Variants in TMEM130 observed in about 807,000 individuals in gnomAD.
TMEM130 encodes the protein transmembrane protein 130.
Under a neutral mutation model 42.9 loss-of-function variants are expected in TMEM130, and 37 were observed. That is an observed-to-expected ratio of 0.86 (90% CI 0.66 to 1.13). TMEM130 has a LOEUF of 1.13. Ranked by LOEUF, TMEM130 falls within the 50% of genes most tolerant of loss-of-function variation. The pLI, the probability that TMEM130 is intolerant of heterozygous loss-of-function variation, is 0.00. For missense variants in TMEM130, 545 were observed against 562.6 expected (o/e 0.97, Z 0.32); for synonymous variants, 259 against 237.7 (o/e 1.09, Z -0.82).
At chr7:98,859,121 G>A (rs1554399417) in intron 3 of TMEM130, among the ~76,000 whole-genome samples, 1 of 150,678 alleles carries the variant, frequency 6.6e-6, no homozygotes, top group Non-Finnish European at 1.5e-5. Context: ...AAGGAAGGGA[G>A]GGAGGGAGGG....
intron 3 of TMEM130, among the ~76,000 whole-genome samples, chr7:98,856,865 T>C (rs932602816): frequency 6.6e-6 from 1 of 152,178 alleles, no homozygotes; most frequent in East Asian, 1.9e-4. Flanking sequence ...CTGCAAATTG[T>C]CTGCTTTCCA....
rs369734825 is a variant in TMEM130 at position 98,851,475 on chromosome 7, C to T, written c.952G>A (p.Glu318Lys). 1.9e-5 allele frequency: 30 copies of T among 1,613,948 alleles called. No individual in the cohort carries two copies. The highest frequency in any genetic ancestry group is 9.4e-5 in the African/African-American group (7 of 74,850). ...TGATGTGTCTTGCTGATGATATTCT[C>T]GGCCCGGATGCTGAAGCAGTAGTCC... ...PGDYCFSIRAENIISKTHQYH... is the reference protein window; with the variant it reads ...PGDYCFSIRAKNIISKTHQYH... Residue 318 changes from glutamate to lysine, a missense_variant, in exon 6 of 8, where the codon GAG becomes AAG. Coordinates refer to ENST00000339375, the MANE Select transcript of TMEM130 (RefSeq NM_152913.3).
intron 1 of TMEM130, chr7:98,866,836 A>G (rs1794921376): frequency 6.6e-6 from 1 of 151,966 alleles, no homozygotes; most frequent in African/African-American, 2.4e-5. Context: ...CAGTCAGCTC[A>G]CACCTGTAAT....
intron 2 of TMEM130, among the ~76,000 whole-genome samples, chr7:98,861,301 G>C (rs547571960): frequency 6.6e-6 from 1 of 152,046 alleles, no homozygotes; most frequent in East Asian, 1.9e-4. Context: ...TCGCGCCACT[G>C]CACTCCAGCC....
intron 1 of TMEM130, among the ~76,000 whole-genome samples, chr7:98,867,154 A>G (rs1231507143): frequency 1.3e-5 from 2 of 152,162 alleles, no homozygotes; most frequent in Admixed American, 1.3e-4. Flanking sequence ...AGAGCTGGTC[A>G]CTTCCAAGGG....
Position 98,860,216 on chromosome 7 carries a change from T to G in TMEM130, c.514A>C (p.Thr172Pro). 2 of 1,613,806 alleles carry G rather than the reference T, an allele frequency of 1.2e-6. No homozygotes were observed. Among genetic ancestry groups the G allele is most frequent in the Non-Finnish European group, 8.5e-7 (1 of 1,179,922 alleles). ...TCCCAGCTGTAGAGAAACAAGGCGG[T>G]CTTGAGGAAGTTGCTCGGGTCGTGG... ...LLHDPSNFLK[T>P]ALFLYSWDFG... Residue 172 changes from threonine (T) to proline (P), a missense_variant, in exon 3 of 8, where the codon ACC becomes CCC. Physicochemically the swap from Thr to Pro is conservative, Grantham distance 38. Transcript: ENST00000339375.
rs552377944 is a variant in TMEM130, at chr7:98,867,410, A to C, written c.85+2367T>G. Among the ~76,000 whole-genome samples, 114 of 152,150 alleles carry C rather than the reference A, an allele frequency of 7.5e-4. 1 individual carries two copies. Among genetic ancestry groups the C allele is most frequent in the Non-Finnish European group, 1.0e-3 (70 of 67,986 alleles). On this transcript the variant is annotated intron_variant, in intron 1 of 7. Coordinates refer to ENST00000339375, the MANE Select transcript of TMEM130 (RefSeq NM_152913.3). Reference sequence around the variant, plus strand: ...GGCCAGGCTGTGGACAGAGAGGTGCATGGATGAGAGACCACCTCCTCCCTT... The same window carrying C: ...GGCCAGGCTGTGGACAGAGAGGTGCCTGGATGAGAGACCACCTCCTCCCTT...
At chr7:98,856,912 T>C (rs1014392757) in intron 3 of TMEM130, among the ~76,000 whole-genome samples, 1 of 152,144 alleles carries the variant, frequency 6.6e-6, no homozygotes, top group Non-Finnish European at 1.5e-5. Context: ...CTCTCCCTTT[T>C]TTTTTTATTT....
At chr7:98,859,685 G>T (rs1474172113) in intron 3 of TMEM130, among the ~76,000 whole-genome samples, 1 of 151,922 alleles carries the variant, frequency 6.6e-6, no homozygotes, top group Non-Finnish European at 1.5e-5. Flanking sequence ...GACCAGCCTG[G>T]CCAACATGGT....
intron 1 of TMEM130, among the ~76,000 whole-genome samples, chr7:98,865,531 C>T (rs1274641069): frequency 1.3e-5 from 2 of 152,106 alleles, no homozygotes; most frequent in African/African-American, 4.8e-5. Flanking sequence ...TTGCTTGAAC[C>T]CGGAAGGCAG....
intron 1 of TMEM130, among the ~76,000 whole-genome samples, chr7:98,868,896 C>A (rs990483599): frequency 6.6e-6 from 1 of 152,110 alleles, no homozygotes; most frequent in African/African-American, 2.4e-5. Context: ...CCATAAAATT[C>A]GTCTAATTCA....
chr7:98,863,483 A>T, intron 1 of TMEM130, 83 bp from the exon 2 acceptor site: 1 of 1,342,268 alleles, frequency 7.5e-7, no homozygotes, highest in Non-Finnish European at 9.9e-7. Context: ...GGCATCAACT[A>T]TTCTATTTCC....
In TMEM130 at chr7:98,857,895, T is replaced by C. The variant is rs144203572; in HGVS notation, c.552-1712A>G. Among the ~76,000 whole-genome samples the C allele has an allele frequency of 1.1e-4, 16 of 151,674 alleles. No individual in the cohort carries two copies. In the East Asian group the frequency reaches 3.1e-3, roughly 30 times the overall value. ...GCACACCACCATGCCTGGCTAATTT[T>C]TGTTTGTTTGTTTGTTTTGCATTTT... On this transcript the variant is annotated intron_variant, in intron 3 of 7. Coordinates refer to ENST00000339375, the MANE Select transcript of TMEM130 (RefSeq NM_152913.3).
chr7:98,848,746 G>T, intron 6 of TMEM130, 51 bp from the exon 7 acceptor site: 3 of 1,263,400 alleles, frequency 2.4e-6, no homozygotes, highest in Non-Finnish European at 2.3e-6. Flanking sequence ...GTACTACAGT[G>T]CTGGTTCTCA....
At chr7:98,848,322 CT>C in intron 7 of TMEM130, 114 bp from the exon 8 acceptor site, 1 of 1,308,312 alleles carries the variant, frequency 7.6e-7, no homozygotes. Flanking sequence ...GCTCAGCTGC[CT>C]GGTGGCAGAG....
At chr7:98,859,750 T>C (rs1453564961) in intron 3 of TMEM130, among the ~76,000 whole-genome samples, 1 of 151,010 alleles carries the variant, frequency 6.6e-6, no homozygotes, top group Non-Finnish European at 1.5e-5. Flanking sequence ...ATTAATTAAT[T>C]AAATTTAATA....
At position 98,848,176 on chromosome 7, in the gene TMEM130, G is replaced by A; in HGVS notation, c.1152C>T (p.Cys384=). ...AGAAAGGCCCACAGCACATCTGGCA[G>A]CAGCACCTGACCCCAGAGGGTGGCT... is the stretch of plus-strand genomic sequence containing the variant. ...NPEPPSGVRC[C]CQMCCGPFLL... The change falls in exon 8 of 8, where the codon TGC becomes TGT. Residue 384 remains cysteine (C), a synonymous_variant. Transcript: ENST00000339375. 1 of 1,614,128 alleles carries A rather than the reference G, an allele frequency of 6.2e-7. No individual in the cohort carries two copies. Among genetic ancestry groups the A allele is most frequent in the Non-Finnish European group, 8.5e-7 (1 of 1,180,010 alleles).
chr7:98,851,500 C>T lies in TMEM130; in HGVS notation c.927G>A (p.Gly309=). The change falls in exon 6 of 8, where the codon GGG becomes GGA. Residue 309 remains glycine (G), a synonymous_variant. Transcript: ENST00000339375. ...CGGCCCGGATGCTGAAGCAGTAGTCCCCAGGGTCCCTGAAGGTGTGGGTCA... is the reference window on the plus strand; with the variant it reads ...CGGCCCGGATGCTGAAGCAGTAGTCTCCAGGGTCCCTGAAGGTGTGGGTCA... ...YNLTHTFRDP[G]DYCFSIRAEN... is the part of the protein sequence containing the mutation. 2 of 1,614,048 alleles carry T rather than the reference C, an allele frequency of 1.2e-6. No individual in the cohort carries two copies. Among genetic ancestry groups the T allele is most frequent in the Non-Finnish European group, 1.7e-6 (2 of 1,180,006 alleles).
At chr7:98,848,543 A>C in intron 7 of TMEM130, 40 bp downstream of exon 7, 1 of 1,373,812 alleles carries the variant, frequency 7.3e-7, no homozygotes, top group Non-Finnish European at 1.0e-6. Flanking sequence ...CTCTCTAGGC[A>C]AGGCCCAGTA....
Sources: allele counts gnomAD v4.1 joint callset (sites outside exome capture counted in the v4.1 genomes callset), GRCh38; gene constraint gnomAD v4.1.1; transcripts MANE v1.5; gene names NCBI Gene and HGNC (gene_info 2026-07-23, HGNC 2026-07-21).